ARHGAP22: variants seen among roughly 807,000 people sequenced by gnomAD.
ARHGAP22 encodes the protein rho GTPase-activating protein 22.
A neutral mutation model predicts 59.1 loss-of-function variants in ARHGAP22; 48 were observed. The observed-to-expected ratio is 0.81, with a 90% CI of 0.64 to 1.03. The LOEUF is 1.03. Ranked by LOEUF, ARHGAP22 falls within the 50% of genes least tolerant of loss-of-function variation. The pLI is 0.00. For missense variants in ARHGAP22, 1,015 were observed against 958.7 expected, an observed-to-expected ratio of 1.06 and a Z score of -0.78; for synonymous variants, 445 against 416.4, an observed-to-expected ratio of 1.07 and a Z score of -0.84.
chr10:48,581,391 T>C (rs1313549030), intron 2 of ARHGAP22, among the ~76,000 whole-genome samples: 1 of 152,234 alleles, frequency 6.6e-6, no homozygotes, highest in East Asian at 1.9e-4. Context: ...CTTTCCTCCA[T>C]ATTCCGTTTC....
At chr10:48,511,842 ACT>A (rs2052800285) in intron 3 of ARHGAP22, among the ~76,000 whole-genome samples, 1 of 152,230 alleles carries the variant, frequency 6.6e-6, no homozygotes, top group Non-Finnish European at 1.5e-5. Flanking sequence ...CAAGATGAGC[ACT>A]GAGTTAAAAA....
intron 2 of ARHGAP22, among the ~76,000 whole-genome samples, chr10:48,560,897 T>G (rs545025606): frequency 6.6e-6 from 1 of 152,186 alleles, no homozygotes; most frequent in African/African-American, 2.4e-5. Context: ...AGATTCAATA[T>G]GCTAAAATTT....
chr10:48,521,919 C>T (rs1329658691), intron 3 of ARHGAP22, among the ~76,000 whole-genome samples: 2 of 152,224 alleles, frequency 1.3e-5, no homozygotes, highest in African/African-American at 4.8e-5. Context: ...GAAAAATCTT[C>T]CAAACTTTCA....
At chr10:48,465,852 C>T (rs996569421) in intron 4 of ARHGAP22, among the ~76,000 whole-genome samples, 12 of 152,194 alleles carry the variant, frequency 7.9e-5, no homozygotes, top group African/African-American at 2.9e-4. Context: ...CTCGGGTCCC[C>T]TGTACCCCAA....
At chr10:48,443,550 G>T (rs2045252260), downstream of ARHGAP22, among the ~76,000 whole-genome samples, 1 of 152,108 alleles carries the variant, frequency 6.6e-6, no homozygotes, top group Admixed American at 6.5e-5. Context: ...GTTCTTGGTG[G>T]AGGCAGGAGT....
At chr10:48,591,948 C>G (rs2135756013) in intron 1 of ARHGAP22, among the ~76,000 whole-genome samples, 1 of 152,334 alleles carries the variant, frequency 6.6e-6, no homozygotes, top group South Asian at 2.1e-4. Context: ...CTGCTCACCT[C>G]TGTCCTGCAG....
chr10:48,466,396 T>C (rs1178182681), intron 4 of ARHGAP22, among the ~76,000 whole-genome samples: 2 of 151,678 alleles, frequency 1.3e-5, no homozygotes, highest in East Asian at 2.0e-4. Context: ...CTGGGAACCG[T>C]CCCGCAGCAC....
chr10:48,496,859 T>C (rs139345671), intron 3 of ARHGAP22, among the ~76,000 whole-genome samples: 2 of 152,144 alleles, frequency 1.3e-5, no homozygotes, highest in East Asian at 1.9e-4. Flanking sequence ...CCTCTGGAGA[T>C]TGGGGGGTAG....
At chr10:48,456,849 C>T (rs2046570222) in intron 5 of ARHGAP22, among the ~76,000 whole-genome samples, 1 of 150,882 alleles carries the variant, frequency 6.6e-6, no homozygotes, top group African/African-American at 2.4e-5. Flanking sequence ...ACTGCAGTGC[C>T]TTTCCTCCAA....
At chr10:48,435,486 C>A in the ARHGAP22 span, 1 of 152,440 alleles carries the variant, frequency 6.6e-6, no homozygotes, top group Non-Finnish European at 1.5e-5. Context: ...GGGTTATGTG[C>A]TTATCAATGA....
At chr10:48,652,547 AT>A in exon 1 of ARHGAP22, 2 of 522,922 alleles carry the variant, frequency 3.8e-6, no homozygotes, top group Non-Finnish European at 6.8e-6. Context: ...GTCTTGGGGT[AT>A]CAGTTCCTCA....
chr10:48,567,722 A>G (rs1213544315), intron 2 of ARHGAP22, among the ~76,000 whole-genome samples: 2 of 152,132 alleles, frequency 1.3e-5, no homozygotes, highest in African/African-American at 2.4e-5. Flanking sequence ...AAAAACTGCC[A>G]GTGACCTCCA....
downstream of ARHGAP22, among the ~76,000 whole-genome samples, chr10:48,441,886 CTTACTG>C (rs2045211037): frequency 6.6e-6 from 1 of 152,200 alleles, no homozygotes; most frequent in Admixed American, 6.5e-5. Flanking sequence ...AGCCATGCCT[CTTACTG>C]TTACTTGACA....
At chr10:48,567,294 A>T (rs1251313367) in intron 2 of ARHGAP22, among the ~76,000 whole-genome samples, 2 of 152,164 alleles carry the variant, frequency 1.3e-5, no homozygotes, top group Non-Finnish European at 2.9e-5. Context: ...TCTTCCTCTC[A>T]GTCTTGTCAT....
At chr10:48,574,779 C>A (rs775254633) in intron 2 of ARHGAP22, 4 of 152,170 alleles carry the variant, frequency 2.6e-5, no homozygotes, top group African/African-American at 4.8e-5. Flanking sequence ...AGCTTTCAGG[C>A]GCTATCTGAG....
chr10:48,433,590 C>T, the ARHGAP22 span, among the ~76,000 whole-genome samples: 1 of 152,172 alleles, frequency 6.6e-6, no homozygotes, highest in Non-Finnish European at 1.5e-5. Flanking sequence ...TTTTCTCTTC[C>T]GTTTCAGCTC....
intron 2 of ARHGAP22, among the ~76,000 whole-genome samples, chr10:48,558,343 T>G (rs1228189652): frequency 6.6e-6 from 1 of 150,714 alleles, no homozygotes; most frequent in East Asian, 1.9e-4. Context: ...ATTTAATGTT[T>G]TTTTTTTGTT....
downstream of ARHGAP22, among the ~76,000 whole-genome samples, chr10:48,441,138 C>T (rs1423474990): frequency 3.9e-5 from 6 of 152,174 alleles, no homozygotes; most frequent in Non-Finnish European, 2.9e-5. Flanking sequence ...CCCTCACCTG[C>T]CTGTAGACCT....
At chr10:48,458,470 T>C (rs2046799318) in intron 5 of ARHGAP22, among the ~76,000 whole-genome samples, 1 of 152,044 alleles carries the variant, frequency 6.6e-6, no homozygotes, top group South Asian at 2.1e-4. Flanking sequence ...TGGGAGAAGC[T>C]TGGCAGTGTG....
Sources: allele counts gnomAD v4.1 joint callset (sites outside exome capture counted in the v4.1 genomes callset), GRCh38; gene constraint gnomAD v4.1.1; transcripts MANE v1.5; gene names NCBI Gene and HGNC (gene_info 2026-07-23, HGNC 2026-07-21).